The following MINDY4 variants were observed in gnomAD, a reference collection of about 807,000 sequenced individuals.
The protein encoded by MINDY4 is MINDY lysine 48 deubiquitinase 4, also known as probable ubiquitin carboxyl-terminal hydrolase MINDY-4.
Under a neutral mutation model 87.0 loss-of-function variants are expected in MINDY4, and 68 were observed. That is an observed-to-expected ratio of 0.78 (90% confidence interval 0.64 to 0.96). The LOEUF is 0.96. Ranked by LOEUF, MINDY4 falls within the 40% of genes least tolerant of loss-of-function variation. The pLI is 0.00. For missense variants in MINDY4, 919 were observed against 928.2 expected (o/e 0.99, Z 0.13); for synonymous variants, 379 against 363.2 (o/e 1.04, Z -0.50).
At chr7:30,839,588 C>T (rs781741920) in intron 8 of MINDY4, among the ~76,000 whole-genome samples, 4 of 152,158 alleles carry the variant, frequency 2.6e-5, no homozygotes, top group Non-Finnish European at 5.9e-5. Context: ...TGCTGGGATC[C>T]TCAGCAGGAG....
chr7:30,818,613 GA>G (rs956343844), intron 5 of MINDY4, among the ~76,000 whole-genome samples: 1 of 152,216 alleles, frequency 6.6e-6, no homozygotes, highest in African/African-American at 2.4e-5. Context: ...TCATAGCTGG[GA>G]TGGGTGGTTC....
At chr7:30,848,701 C>T (rs151297590) in intron 9 of MINDY4, among the ~76,000 whole-genome samples, 36 of 152,306 alleles carry the variant, frequency 2.4e-4, no homozygotes, top group African/African-American at 7.5e-4. Flanking sequence ...GTAACTATTT[C>T]CTCCAAGGAA....
chr7:30,785,773 A>G lies in MINDY4; in HGVS notation c.444A>G (p.Val148=). 2 of 1,614,210 alleles carry G rather than the reference A, an allele frequency of 1.2e-6. No homozygotes were observed. The highest frequency in any genetic ancestry group is 3.3e-5 in the Admixed American group (2 of 60,030). Residue 148 remains valine (V), a synonymous_variant, in exon 4 of 18, where the codon GTA becomes GTG. Transcript: ENST00000265299. ...GACATGACAATCTTGATGGAGATGT[A>G]CTTGGTAATTTTGTATCATCTAAAA... ...KARHDNLDGD[V]LGNFVSSKRP...
At chr7:30,879,986 G>A (rs1790407892) in intron 15 of MINDY4, among the ~76,000 whole-genome samples, 1 of 152,214 alleles carries the variant, frequency 6.6e-6, no homozygotes, top group African/African-American at 2.4e-5. Context: ...CTGAAGTGCA[G>A]TGGAAATGTG....
At chr7:30,882,128 C>T (rs1292023271) in intron 15 of MINDY4, 53 bp from the exon 16 acceptor site, 44 of 1,528,096 alleles carry the variant, frequency 2.9e-5, no homozygotes, top group Middle Eastern at 3.5e-4. Context: ...GAAAAATGCC[C>T]GGACCCCTTT....
chr7:30,822,671 T>A (rs888272755), intron 5 of MINDY4, among the ~76,000 whole-genome samples: 1 of 124,130 alleles, frequency 8.1e-6, no homozygotes, highest in East Asian at 2.5e-4. Flanking sequence ...AAGGTTTCAC[T>A]CTTGCTAGGC....
intron 12 of MINDY4, among the ~76,000 whole-genome samples, chr7:30,856,351 G>A (rs932683299): frequency 1.3e-4 from 20 of 152,058 alleles, no homozygotes; most frequent in Middle Eastern, 3.2e-3. Context: ...ATGGAATATT[G>A]GTGCCATTTA....
chr7:30,881,973 G>A (rs371436420), intron 15 of MINDY4, among the ~76,000 whole-genome samples: 17 of 152,258 alleles, frequency 1.1e-4, no homozygotes, highest in South Asian at 6.2e-4. Flanking sequence ...GAGGCCCTGC[G>A]AGCAGCAGCA....
At chr7:30,880,940 CAG>C (rs1790446656) in intron 15 of MINDY4, among the ~76,000 whole-genome samples, 1 of 152,196 alleles carries the variant, frequency 6.6e-6, no homozygotes, top group South Asian at 2.1e-4. Context: ...GCCCCTCTGT[CAG>C]AGACATCCCA....
At chr7:30,861,935 CT>C (rs921889568) in intron 13 of MINDY4, among the ~76,000 whole-genome samples, 3 of 152,238 alleles carry the variant, frequency 2.0e-5, no homozygotes, top group African/African-American at 7.2e-5. Context: ...CTGAGTGCCA[CT>C]GGGGGTGTGA....
intron 5 of MINDY4, among the ~76,000 whole-genome samples, chr7:30,821,991 A>T (rs1297806797): frequency 3.9e-5 from 6 of 151,930 alleles, no homozygotes; most frequent in Non-Finnish European, 8.8e-5. Context: ...TCTTTCTCTC[A>T]TCTCCTCCTC....
At chr7:30,776,402 A>G (rs1233181266) in intron 1 of MINDY4, among the ~76,000 whole-genome samples, 1 of 152,170 alleles carries the variant, frequency 6.6e-6, no homozygotes, top group African/African-American at 2.4e-5. Context: ...TCCCTCATCA[A>G]TCAATGATGC....
intron 5 of MINDY4, among the ~76,000 whole-genome samples, chr7:30,799,445 T>G (rs951000627): frequency 2.0e-5 from 3 of 152,218 alleles, no homozygotes; most frequent in Non-Finnish European, 1.5e-5. Context: ...CATCTGTCAC[T>G]GGAGGCCTGT....
intron 5 of MINDY4, among the ~76,000 whole-genome samples, chr7:30,813,285 G>C (rs1788058445): frequency 6.6e-6 from 1 of 152,200 alleles, no homozygotes; most frequent in Admixed American, 6.5e-5. Flanking sequence ...AAACTCATGT[G>C]AATTATTGTT....
intron 6 of MINDY4, among the ~76,000 whole-genome samples, chr7:30,832,025 C>T (rs184502382): frequency 1.4e-3 from 208 of 152,346 alleles, no homozygotes; most frequent in African/African-American, 4.5e-3. Flanking sequence ...ATTCCCACCA[C>T]GTCTGGGCCC....
intron 2 of MINDY4, chr7:30,779,765 G>A (rs550407322): frequency 6.6e-6 from 1 of 152,294 alleles, no homozygotes; most frequent in African/African-American, 2.4e-5. Context: ...TCTATTGTAG[G>A]AGTGATGATC....
intron 5 of MINDY4, among the ~76,000 whole-genome samples, chr7:30,817,537 G>T (rs1434613386): frequency 6.6e-6 from 1 of 152,124 alleles, no homozygotes; most frequent in East Asian, 1.9e-4. Flanking sequence ...ACTGATGGAA[G>T]CGAGGAAGGA....
intron 5 of MINDY4, among the ~76,000 whole-genome samples, chr7:30,818,138 A>AC (rs144162786): frequency 0.042 from 6,435 of 152,218 alleles, 231 homozygotes; most frequent in East Asian, 0.17. Context: ...TTTTAAAGAA[A>AC]CATATATGGA....
At chr7:30,786,420 C>T (rs1049602593) in intron 4 of MINDY4, 10 of 166,600 alleles carry the variant, frequency 6.0e-5, no homozygotes, top group African/African-American at 2.4e-4. Flanking sequence ...TGAGACCAGC[C>T]TGGGCAACAT....
Sources: gnomAD v4.1 joint callset for allele counts (sites outside exome capture counted in the v4.1 genomes callset) on GRCh38, gnomAD v4.1.1 for gene constraint, MANE v1.5 for transcripts, NCBI Gene and HGNC (gene_info 2026-07-23, HGNC 2026-07-21) for gene names.